Variants in STK39 observed in about 807,000 individuals in gnomAD.
STK39 encodes STE20/SPS1-related proline-alanine-rich protein kinase.
A neutral mutation model predicts 77.8 loss-of-function variants in STK39; 20 were observed. The ratio of observed to expected loss-of-function variants is 0.26; its 90% confidence interval spans 0.18 to 0.37. STK39 has a LOEUF of 0.37. Ranked by LOEUF, STK39 falls within the 10% of genes least tolerant of loss-of-function variation. STK39 has a pLI of 1.00. For missense variants in STK39, 479 were observed against 656.5 expected (o/e 0.73, Z 2.95); for synonymous variants, 246 against 234.1 (o/e 1.05, Z -0.47).
intron 10 of STK39, among the ~76,000 whole-genome samples, chr2:168,113,450 A>T (rs928068110): frequency 1.3e-5 from 2 of 152,244 alleles, no homozygotes; most frequent in Admixed American, 6.5e-5. Context: ...TATTACATGC[A>T]ACAACTAGGA....
At chr2:168,022,476 G>A (rs1254073344) in intron 14 of STK39, among the ~76,000 whole-genome samples, 1 of 152,094 alleles carries the variant, frequency 6.6e-6, no homozygotes, top group Non-Finnish European at 1.5e-5. Context: ...CATCTAAAGG[G>A]GACAACCACT....
At chr2:168,231,064 A>G (rs1690441634) in intron 1 of STK39, among the ~76,000 whole-genome samples, 1 of 152,138 alleles carries the variant, frequency 6.6e-6, no homozygotes. Context: ...TGTAATCTCC[A>G]ACCAAGTCCT....
chr2:168,167,199 C>G, intron 3 of STK39, 100 bp downstream of exon 3: 1 of 984,462 alleles, frequency 1.0e-6, no homozygotes, highest in South Asian at 1.5e-5. Flanking sequence ...CTTTCAAACA[C>G]AGGAGAGAAA....
At chr2:168,233,690 A>ATTTTTCC (rs1553546478) in intron 1 of STK39, among the ~76,000 whole-genome samples, 1 of 152,156 alleles carries the variant, frequency 6.6e-6, no homozygotes, top group Admixed American at 6.5e-5. Context: ...TTTTGGTACT[A>ATTTTTCC]TTTTTCCTAA....
At chr2:167,957,508 C>G (rs1691820271) in intron 17 of STK39, among the ~76,000 whole-genome samples, 1 of 152,128 alleles carries the variant, frequency 6.6e-6, no homozygotes, top group South Asian at 2.1e-4. Context: ...CTTTATCTAC[C>G]TTCCTAAATC....
chr2:167,963,464 A>G (rs1057122842), intron 17 of STK39, among the ~76,000 whole-genome samples: 1 of 151,902 alleles, frequency 6.6e-6, no homozygotes, highest in African/African-American at 2.4e-5. Context: ...ATAAAGGGAC[A>G]TATATTGGCT....
intron 12 of STK39, among the ~76,000 whole-genome samples, chr2:168,073,916 C>T (rs1229966710): frequency 6.6e-6 from 1 of 151,988 alleles, no homozygotes; most frequent in Non-Finnish European, 1.5e-5. Flanking sequence ...CCGCACCTGG[C>T]CAAAGTTTAT....
intron 1 of STK39, among the ~76,000 whole-genome samples, chr2:168,194,846 T>C (rs957777203): frequency 6.6e-6 from 1 of 152,190 alleles, no homozygotes; most frequent in Non-Finnish European, 1.5e-5. Context: ...CTGGGTATGA[T>C]ATTATAAGAA....
intron 16 of STK39, among the ~76,000 whole-genome samples, chr2:167,977,818 G>A (rs79462948): frequency 0.037 from 5,590 of 150,706 alleles, 363 homozygotes; most frequent in African/African-American, 0.13. Context: ...CAAGACCAGG[G>A]GAATTGCAAT....
chr2:168,077,324 C>A lies in STK39; in HGVS notation c.1090-2093G>T, dbSNP rs534801851. On this transcript the variant is annotated intron_variant, in intron 10 of 17. Transcript: ENST00000355999. ...CTTTCCCCCTCTGGCTCTATGTTTA[C>A]AAGCTCTGTCAGTTTCATTTCCACA... is the stretch of plus-strand genomic sequence containing the variant. Among the ~76,000 whole-genome samples, 6 of 152,238 alleles carry A rather than the reference C, an allele frequency of 3.9e-5. No homozygotes were observed. The South Asian group carries it at 1.2e-3, about 32-fold the overall frequency.
intron 6 of STK39, 111 bp downstream of exon 6, chr2:168,140,534 CTTAG>C (rs1314470323): frequency 6.9e-6 from 8 of 1,152,394 alleles, no homozygotes; most frequent in African/African-American, 1.5e-5. Flanking sequence ...AGAATTAAAT[CTTAG>C]TTACATTATG....
At chr2:168,170,395 T>A (rs1688794254) in intron 2 of STK39, among the ~76,000 whole-genome samples, 1 of 152,234 alleles carries the variant, frequency 6.6e-6, no homozygotes, top group East Asian at 1.9e-4. Flanking sequence ...TTTAGCTGAT[T>A]CTTTCGACAG....
intron 10 of STK39, among the ~76,000 whole-genome samples, chr2:168,081,357 C>T (rs886435474): frequency 1.3e-5 from 2 of 152,124 alleles, no homozygotes. Context: ...CATTTTGGAG[C>T]TTTAAGATTT....
chr2:168,090,756 C>T (rs531854870), intron 10 of STK39, among the ~76,000 whole-genome samples: 1 of 152,198 alleles, frequency 6.6e-6, no homozygotes, highest in Non-Finnish European at 1.5e-5. Flanking sequence ...AAACAACCAT[C>T]TTTTGCCATC....
intron 5 of STK39, 64 bp from the exon 6 acceptor site, chr2:168,140,822 T>C (rs1687962283): frequency 7.5e-7 from 1 of 1,330,302 alleles, no homozygotes; most frequent in African/African-American, 1.5e-5. Context: ...AATTGTGATT[T>C]TTTGAGCATG....
chr2:167,970,511 C>T (rs1692304434), intron 16 of STK39, among the ~76,000 whole-genome samples: 1 of 152,224 alleles, frequency 6.6e-6, no homozygotes, highest in Non-Finnish European at 1.5e-5. Context: ...TTCTAAGACA[C>T]TAAGAACCCC....
chr2:168,000,834 G>A (rs941990009), intron 16 of STK39, among the ~76,000 whole-genome samples: 3 of 152,204 alleles, frequency 2.0e-5, no homozygotes, highest in African/African-American at 7.2e-5. Context: ...AGGAGTCTCA[G>A]AAACTGTAAT....
chr2:168,146,240 G>A (rs1472593532), intron 5 of STK39, among the ~76,000 whole-genome samples: 2 of 152,236 alleles, frequency 1.3e-5, no homozygotes, highest in Admixed American at 6.5e-5. Context: ...GGGCTTGCTT[G>A]CTAATGAAGG....
intron 1 of STK39, among the ~76,000 whole-genome samples, chr2:168,231,276 C>A (rs1690448073): frequency 6.6e-6 from 1 of 152,078 alleles, no homozygotes; most frequent in Non-Finnish European, 1.5e-5. Flanking sequence ...GAAAATTAGT[C>A]TCATTTCTTC....
Sources: gnomAD v4.1 joint callset for allele counts (sites outside exome capture counted in the v4.1 genomes callset) on GRCh38, gnomAD v4.1.1 for gene constraint, MANE v1.5 for transcripts, NCBI Gene and HGNC (gene_info 2026-07-23, HGNC 2026-07-21) for gene names.